CYP11B2: variants seen among roughly 807,000 people sequenced by gnomAD.
The protein encoded by CYP11B2 is cytochrome P450 11B2, mitochondrial.
In CYP11B2, 38 loss-of-function variants were observed where a neutral mutation model predicts 49.3. That is an observed-to-expected ratio of 0.77 (90% CI 0.59 to 1.01). The LOEUF is 1.01. CYP11B2 is among the 50% of genes least tolerant of loss of function. The pLI is 0.00. For missense variants in CYP11B2, 669 were observed against 655.5 expected (o/e 1.02, Z -0.23); for synonymous variants, 290 against 269.3 (o/e 1.08, Z -0.75).
chr8:142,910,849 T>C lies in CYP11B2; in HGVS notation c.*1131A>G, dbSNP rs569831537. The C allele has an allele frequency of 3.3e-5, 5 of 152,218 alleles. No individual in the cohort carries two copies. Among genetic ancestry groups the C allele is most frequent in the South Asian group, 2.1e-4 (1 of 4,826 alleles). 9.4% of individuals were successfully genotyped at this position (152,218 alleles called of 1,614,324 possible). A position where few individuals can be genotyped will look rare whatever the true frequency, so the allele number is the denominator to read the frequency against. Reference sequence around the variant, plus strand: ...AACAAACGCTCTGATCCTCATCAGCTACCAGGAGCTGGCTGCTGAGATCTT... The same window carrying C: ...AACAAACGCTCTGATCCTCATCAGCCACCAGGAGCTGGCTGCTGAGATCTT... On this transcript the variant is annotated 3_prime_UTR_variant, in exon 9 of 9. Coordinates refer to ENST00000323110, the MANE Select transcript of CYP11B2 (RefSeq NM_000498.3). The surrounding 1 kb of genome is among the most constrained non-coding windows in gnomAD (Gnocchi z 4.6).
At chr8:142,912,403 C>A in intron 8 of CYP11B2, 127 bp downstream of exon 8, 2 of 1,100,546 alleles carry the variant, frequency 1.8e-6, no homozygotes, top group Non-Finnish European at 2.7e-6. Flanking sequence ...CTGGTCACGC[C>A]GACCTCAACC....
chr8:142,911,922 T>G lies in CYP11B2; in HGVS notation c.*58A>C. On this transcript the variant is annotated 3_prime_UTR_variant, in exon 9 of 9. Transcript: ENST00000323110. Reference sequence around the variant, plus strand: ...CACGTGGGAGAGAAGACAGGTGGCCTGGGGTCAGGCAGAGGGAAGCTGGTG... The same window carrying G: ...CACGTGGGAGAGAAGACAGGTGGCCGGGGGTCAGGCAGAGGGAAGCTGGTG... 1 of 1,612,390 alleles carries G rather than the reference T, an allele frequency of 6.2e-7. No homozygotes were observed. The highest frequency in any genetic ancestry group is 1.1e-5 in the South Asian group (1 of 90,946).
At chr8:142,912,502 TCCC>T in intron 8 of CYP11B2, 25 bp downstream of exon 8, 1 of 1,235,728 alleles carries the variant, frequency 8.1e-7, no homozygotes, top group Non-Finnish European at 1.2e-6. Flanking sequence ...GCTGCCCAGG[TCCC>T]GCCCCCGCCC....
chr8:142,912,810 A>C lies in CYP11B2; in HGVS notation c.1197T>G (p.Ala399=), dbSNP rs1355726907. Residue 399 remains alanine, a synonymous_variant, in exon 7 of 9, where the codon GCT becomes GCG. Transcript: ENST00000323110. ...GAGGGGTGTGGGGCTCACTCACCCCAGCTGGGATGTGGTAGTTCTGAAGCA... is the reference window on the plus strand; with the variant it reads ...GAGGGGTGTGGGGCTCACTCACCCCCGCTGGGATGTGGTAGTTCTGAAGCA... ...DLVLQNYHIP[A]GTLVQVFLYS... The C allele has an allele frequency of 1.2e-6, 2 of 1,613,884 alleles. No homozygotes were observed. Among genetic ancestry groups the C allele is most frequent in the Middle Eastern group, 3.3e-4 (2 of 6,058 alleles).
chr8:142,914,148 TGTG>T, intron 5 of CYP11B2, 113 bp downstream of exon 5: 1 of 1,193,198 alleles, frequency 8.4e-7, no homozygotes, highest in Non-Finnish European at 1.2e-6. Context: ...GCAACAGAAA[TGTG>T]GGGCCTGTAG....
Position 142,912,602 on chromosome 8 carries a change from G to A in CYP11B2, c.1326C>T (p.Pro442=), listed in dbSNP as rs1411802708. 9 of 1,614,214 alleles carry A rather than the reference G, an allele frequency of 5.6e-6. No individual in the cohort carries two copies. The highest frequency in any genetic ancestry group is 7.6e-6 in the Non-Finnish European group (9 of 1,180,038). The part of the protein sequence containing the change: ...RGSGRNFHHV[P]FGFGMRQCLG... ...GGCACTGGCGCATGCCAAAGCCAAA[G>A]GGCACGTGGTGGAAGTTCCTGCCGG... Residue 442 remains proline, a synonymous_variant, in exon 8 of 9, where the codon CCC becomes CCT. Transcript: ENST00000323110.
At chr8:142,913,527 C>G in intron 5 of CYP11B2, 76 bp from the exon 6 acceptor site, 1 of 1,583,638 alleles carries the variant, frequency 6.3e-7, no homozygotes, top group Non-Finnish European at 8.7e-7. Flanking sequence ...CCAGGACAAC[C>G]TCCCTCTGAG....
intron 4 of CYP11B2, 122 bp downstream of exon 4, chr8:142,914,583 G>A (rs1487911266): frequency 1.5e-6 from 2 of 1,330,026 alleles, no homozygotes; most frequent in South Asian, 1.3e-5. Context: ...CTCCCCGGCA[G>A]GAAGGTGAGG....
At position 142,917,780 on chromosome 8, in the gene CYP11B2, C is replaced by A. The variant is rs750860338; in HGVS notation, c.61G>T (p.Ala21Ser). 2.5e-6 allele frequency: 4 copies of A among 1,614,206 alleles called. No homozygotes were observed. The highest frequency in any genetic ancestry group is 3.4e-6 in the Non-Finnish European group (4 of 1,180,048). Reference protein sequence around the residue: ...VAAPWLSLQRARALGTRAARA... With the variant: ...VAAPWLSLQRSRALGTRAARA... ...GCGGCTCTAGTGCCCAGTGCCCGTG[C>A]CCTTTGCAGGGACAGCCAGGGCGCT... Residue 21 changes from alanine (A) to serine (S), a missense_variant, in exon 1 of 9, where the codon GCA becomes TCA. By Grantham distance (99) the Ala-to-Ser change is moderately conservative. Transcript: ENST00000323110.
intron 4 of CYP11B2, 94 bp downstream of exon 4, chr8:142,914,611 T>C (rs1817606109): frequency 2.0e-6 from 3 of 1,500,612 alleles, no homozygotes; most frequent in Non-Finnish European, 1.8e-6. Context: ...GACCCCTCCC[T>C]GTGGCCTCCA....
At position 142,910,970 on chromosome 8, in the gene CYP11B2, G is replaced by A. The variant is rs1406905749; in HGVS notation, c.*1010C>T. 1 of 152,168 alleles carries A rather than the reference G, an allele frequency of 6.6e-6. No individual in the cohort carries two copies. The highest frequency in any genetic ancestry group is 1.5e-5 in the Non-Finnish European group (1 of 68,060). 9.4% of individuals were successfully genotyped at this position (152,168 alleles called of 1,614,324 possible). ...TCCCTGCACAGGAGCACTGGGGAGT[G>A]GCCAGTTCAGGAGGGGTCAACTCTC... is the stretch of plus-strand genomic sequence containing the variant. On this transcript the variant is annotated 3_prime_UTR_variant, in exon 9 of 9. Coordinates refer to ENST00000323110, the MANE Select transcript of CYP11B2 (RefSeq NM_000498.3). This position sits in a 1 kb window ranked among gnomAD's most constrained non-coding sequence, Gnocchi z 4.6.
chr8:142,911,824 C>T lies in CYP11B2; in HGVS notation c.*156G>A. On this transcript the variant is annotated 3_prime_UTR_variant, in exon 9 of 9. Coordinates refer to ENST00000323110, the MANE Select transcript of CYP11B2 (RefSeq NM_000498.3). Reference sequence around the variant, plus strand: ...GCTATTTGACAAGCCTGGCAAGCCCCAGTCCTGGAGGCCCTGGGGAGTTCC... The same window carrying T: ...GCTATTTGACAAGCCTGGCAAGCCCTAGTCCTGGAGGCCCTGGGGAGTTCC... The T allele has an allele frequency of 8.7e-7, 1 of 1,155,418 alleles. No homozygotes were observed. The highest frequency in any genetic ancestry group is 1.5e-5 in the South Asian group (1 of 66,496). The allele number at this position is 1,155,418 out of a possible 1,614,324, so 71.6% of individuals were successfully genotyped here. A position where few individuals can be genotyped will look rare whatever the true frequency, so the allele number is the denominator to read the frequency against.
Position 142,914,353 on chromosome 8 carries a change from T to A in CYP11B2, c.865A>T (p.Ile289Phe). The A allele has an allele frequency of 6.2e-7, 1 of 1,613,556 alleles. No homozygotes were observed. The highest frequency in any genetic ancestry group is 8.5e-7 in the Non-Finnish European group (1 of 1,179,482). The change falls in exon 5 of 9, where the codon ATC becomes TTC. Residue 289 changes from isoleucine (I) to phenylalanine (F), a missense_variant. By Grantham distance (21) the Ile-to-Phe change is conservative. Coordinates refer to ENST00000323110, the MANE Select transcript of CYP11B2 (RefSeq NM_000498.3). Reference protein sequence around the residue: ...AFNRPQHYTGIVAELLLKAEL... With the variant: ...AFNRPQHYTGFVAELLLKAEL... ...GCCTTCAACAGGAGCTCCGCCACGA[T>A]GCCTGTGTAGTGTTGAGGGCGGTTG...
At chr8:142,914,149 G>A (rs1817592598) in intron 5 of CYP11B2, 115 bp downstream of exon 5, 1 of 1,207,820 alleles carries the variant, frequency 8.3e-7, no homozygotes, top group African/African-American at 1.5e-5. Context: ...CAACAGAAAT[G>A]TGGGGCCTGT....
chr8:142,912,744 G>C lies in CYP11B2; in HGVS notation c.1201-17C>G, dbSNP rs1402392742. 1.2e-6 allele frequency: 2 copies of C among 1,613,514 alleles called. No homozygotes were observed. Among genetic ancestry groups the C allele is most frequent in the Non-Finnish European group, 1.7e-6 (2 of 1,179,574 alleles). On this transcript the variant is annotated splice_polypyrimidine_tract_variant and intron_variant, in intron 7 of 8. Transcript: ENST00000323110. Reference sequence around the variant, plus strand: ...TACCAATGTCTGCGGACGGTGCAGAGCAGGGATCAGGGAATGACTGGGGAG... The same window carrying C: ...TACCAATGTCTGCGGACGGTGCAGACCAGGGATCAGGGAATGACTGGGGAG...
rs371450047 is a variant in CYP11B2, at chr8:142,913,305, C to T, written c.1101G>A (p.Ala367=). Residue 367 remains alanine (A), a synonymous_variant, in exon 6 of 9, where the codon GCG becomes GCA. Coordinates refer to ENST00000323110, the MANE Select transcript of CYP11B2 (RefSeq NM_000498.3). The part of the protein sequence containing the change: ...KATTELPLLR[A]ALKETLRLYP... The stretch of plus-strand genomic sequence containing the variant: ...CCCACCGCAAGGTCTCCTTGAGGGC[C>T]GCCCGCAGCAAGGGCAGCTCGGTGG... The T allele has an allele frequency of 3.5e-4, 559 of 1,613,790 alleles. 4 individuals carry two copies. The Admixed American group carries it at 8.3e-3, about 24-fold the overall frequency.
chr8:142,912,965 C>A lies in CYP11B2; in HGVS notation c.1122-80G>T, dbSNP rs368685601. On this transcript the variant is annotated intron_variant, in intron 6 of 8. Coordinates refer to ENST00000323110, the MANE Select transcript of CYP11B2 (RefSeq NM_000498.3). Reference sequence around the variant, plus strand: ...CTCTCTGCACCCTTCCTACCGAAGACCCCGCAGAGGTCCCAGATCCATGGG... The same window carrying A: ...CTCTCTGCACCCTTCCTACCGAAGAACCCGCAGAGGTCCCAGATCCATGGG... The A allele has an allele frequency of 5.7e-3, 8,306 of 1,453,070 alleles. 37 individuals are homozygous for A. The highest frequency in any genetic ancestry group is 0.013 in the African/African-American group (908 of 69,002). The allele number at this position is 1,453,070 out of a possible 1,614,324, so 90.0% of individuals were successfully genotyped here.
chr8:142,917,215 C>G lies in CYP11B2; in HGVS notation c.240-1G>C, dbSNP rs771164401. 1 of 1,613,930 alleles carries G rather than the reference C, an allele frequency of 6.2e-7. No individual in the cohort carries two copies. The highest frequency in any genetic ancestry group is 1.1e-5 in the South Asian group (1 of 91,084). On this transcript the variant is annotated splice_acceptor_variant, in intron 1 of 8. Coordinates refer to ENST00000323110, the MANE Select transcript of CYP11B2 (RefSeq NM_000498.3). LOFTEE classifies it high-confidence loss of function. Reference sequence around the variant, plus strand: ...CATGCGTGGTCCTCCCAAGTTGTACCTGTGGGGCCAAGCAGGAGGCCCTGC... The same window carrying G: ...CATGCGTGGTCCTCCCAAGTTGTACGTGTGGGGCCAAGCAGGAGGCCCTGC...
At chr8:142,912,458 C>T (rs1817552226) in intron 8 of CYP11B2, 72 bp downstream of exon 8, 1 of 1,521,370 alleles carries the variant, frequency 6.6e-7, no homozygotes. Context: ...TCACACCATG[C>T]AAGCCCCGCC....
Sources: gnomAD v4.1 joint callset for allele counts on GRCh38, gnomAD v4.1.1 for gene constraint, Gnocchi (gnomAD v3.1) non-coding constraint, MANE v1.5 for transcripts, NCBI Gene and HGNC (gene_info 2026-07-23, HGNC 2026-07-21) for gene names.